The following NLRP14 variants were observed in gnomAD, a reference collection of about 807,000 sequenced individuals.
The protein encoded by NLRP14 is NLR family pyrin domain containing 14.
A neutral mutation model predicts 94.7 loss-of-function variants in NLRP14; 105 were observed. The ratio of observed to expected loss-of-function variants is 1.11; its 90% CI spans 0.95 to 1.30. NLRP14 has a LOEUF of 1.30. Ranked by LOEUF, NLRP14 falls within the 50% of genes most tolerant of loss-of-function variation. NLRP14 has a pLI of 0.00. For missense variants in NLRP14, 1,362 were observed against 1,254.1 expected (o/e 1.09, Z -1.30); for synonymous variants, 508 against 459.9 (o/e 1.10, Z -1.34).
chr11:7,058,572 G>T, intron 8 of NLRP14, 122 bp downstream of exon 8: 1 of 739,848 alleles, frequency 1.4e-6, no homozygotes. Flanking sequence ...TAATGAAGAA[G>T]GTGAAAGTGA....
chr11:7,034,802 C>T (rs895677381), intron 1 of NLRP14, among the ~76,000 whole-genome samples: 3 of 152,138 alleles, frequency 2.0e-5, no homozygotes, highest in African/African-American at 7.2e-5. Context: ...GTACTACTTA[C>T]TATATCTGGG....
chr11:7,090,236 G>T, the NLRP14 span: 2 of 1,610,834 alleles, frequency 1.2e-6, no homozygotes, highest in South Asian at 2.2e-5. Flanking sequence ...GCTGCAGGGT[G>T]CCCAGGGGCG....
At chr11:7,042,060 A>G (rs1465234432) in intron 3 of NLRP14, among the ~76,000 whole-genome samples, 2 of 151,358 alleles carry the variant, frequency 1.3e-5, no homozygotes, top group African/African-American at 4.9e-5. Flanking sequence ...TCTGTTCTCC[A>G]CATCTATTAT....
chr11:7,071,408 C>A lies in NLRP14; in HGVS notation c.*100C>A, dbSNP rs1852796842. The A allele has an allele frequency of 1.1e-6, 1 of 924,216 alleles. No homozygotes were observed. The highest frequency in any genetic ancestry group is 1.7e-6 in the Non-Finnish European group (1 of 589,176). 57.3% of individuals were successfully genotyped at this position (924,216 alleles called of 1,614,324 possible). On this transcript the variant is annotated 3_prime_UTR_variant, in exon 12 of 12. Transcript: ENST00000299481. ...TGCTTAGCTTCAGATACTCTATGCC[C>A]AGAGATAGTGCACTTGGCAGCTGTC...
At chr11:7,035,233 A>T (rs954203228) in intron 1 of NLRP14, among the ~76,000 whole-genome samples, 5 of 152,168 alleles carry the variant, frequency 3.3e-5, no homozygotes, top group African/African-American at 1.2e-4. Context: ...AGCCATGAGA[A>T]TCGCTTGAAC....
At chr11:7,026,029 T>G (rs916122043) in intron 1 of NLRP14, among the ~76,000 whole-genome samples, 2 of 152,216 alleles carry the variant, frequency 1.3e-5, no homozygotes, top group African/African-American at 4.8e-5. Flanking sequence ...ACAAAACTGA[T>G]TATGAGTTTT....
At chr11:7,060,870 A>T (rs1168583980) in intron 9 of NLRP14, among the ~76,000 whole-genome samples, 3 of 152,066 alleles carry the variant, frequency 2.0e-5, no homozygotes, top group African/African-American at 7.2e-5. Context: ...ATAAAAAAAG[A>T]AATACATTGA....
chr11:7,084,302 G>T, the NLRP14 span, among the ~76,000 whole-genome samples: 1 of 152,090 alleles, frequency 6.6e-6, no homozygotes, highest in African/African-American at 2.4e-5. Context: ...GTTTCTGCTC[G>T]CAGTTACTGA....
chr11:7,084,773 T>C, the NLRP14 span, among the ~76,000 whole-genome samples: 1 of 152,250 alleles, frequency 6.6e-6, no homozygotes. Context: ...TAGTAAATTA[T>C]CAAACCCAAG....
chr11:7,088,141 G>C, the NLRP14 span, among the ~76,000 whole-genome samples: 2 of 152,152 alleles, frequency 1.3e-5, no homozygotes, highest in African/African-American at 4.8e-5. Context: ...CCAACATTTA[G>C]AGAATACACT....
rs778956030 is a variant in NLRP14, at chr11:7,042,546, G to A, written c.520G>A (p.Ala174Thr). Residue 174 changes from alanine (A) to threonine (T), a missense_variant, in exon 4 of 12, where the codon GCA becomes ACA. Coordinates refer to ENST00000299481, the MANE Select transcript of NLRP14 (RefSeq NM_176822.4). The stretch of plus-strand genomic sequence containing the variant: ...GTTCGATGTGGATGTCAAAACCGGT[G>A]CACAGCCACAGATCGTGGTGCTTCA... ...HLFDVDVKTG[A>T]QPQIVVLQGA... The A allele has an allele frequency of 6.8e-6, 11 of 1,614,122 alleles. No homozygotes were observed. The highest frequency in any genetic ancestry group is 9.3e-6 in the Non-Finnish European group (11 of 1,180,036).
the NLRP14 span, among the ~76,000 whole-genome samples, chr11:7,080,192 G>T: frequency 6.6e-6 from 1 of 152,312 alleles, no homozygotes; most frequent in Non-Finnish European, 1.5e-5. Flanking sequence ...GCTGGCATCT[G>T]AAGTGAGGGC....
chr11:7,089,752 A>T, the NLRP14 span: 1 of 1,535,398 alleles, frequency 6.5e-7, no homozygotes, highest in Admixed American at 1.8e-5. Flanking sequence ...GGCCCGCGGG[A>T]TGAGGGCTAC....
intron 6 of NLRP14, among the ~76,000 whole-genome samples, chr11:7,053,383 G>A (rs10839706): frequency 0.57 from 85,744 of 150,046 alleles, 25,521 homozygotes; most frequent in East Asian, 0.86. Flanking sequence ...TATAATCTTG[G>A]CTGATTCCCA....
At position 7,055,018 on chromosome 11, in the gene NLRP14, A is replaced by G. The variant is rs115586847; in HGVS notation, c.2292-2659A>G. On this transcript the variant is annotated intron_variant, in intron 6 of 11. Coordinates refer to ENST00000299481, the MANE Select transcript of NLRP14 (RefSeq NM_176822.4). ...TAGGAGTCTAGTTTCCTTCTTTTAC[A>G]TATGAATATCCAGTTTTCCCAGCAC... is the stretch of plus-strand genomic sequence containing the variant. Among the ~76,000 whole-genome samples the G allele has an allele frequency of 8.6e-3, 1,304 of 152,288 alleles. 18 individuals are homozygous for G. Among genetic ancestry groups the G allele is most frequent in the African/African-American group, 0.03 (1,243 of 41,568 alleles).
the NLRP14 span, among the ~76,000 whole-genome samples, chr11:7,086,875 G>A: frequency 2.0e-5 from 3 of 152,164 alleles, no homozygotes; most frequent in African/African-American, 7.2e-5. Flanking sequence ...AACTTGATAA[G>A]CAAGAAAGTA....
chr11:7,032,383 A>G (rs994055037), intron 1 of NLRP14, among the ~76,000 whole-genome samples: 6 of 152,120 alleles, frequency 3.9e-5, no homozygotes, highest in Non-Finnish European at 8.8e-5. Flanking sequence ...CTTATTGACA[A>G]TTATTTACTA....
At chr11:7,073,344 T>A (rs926631737), downstream of NLRP14, among the ~76,000 whole-genome samples, 3 of 152,222 alleles carry the variant, frequency 2.0e-5, no homozygotes, top group Non-Finnish European at 1.5e-5. Flanking sequence ...TTTTAACTTA[T>A]TGTAAGGCAA....
chr11:7,073,704 C>T (rs1017180647), downstream of NLRP14, among the ~76,000 whole-genome samples: 4 of 152,092 alleles, frequency 2.6e-5, no homozygotes, highest in African/African-American at 9.7e-5. Context: ...TTATGTTTAC[C>T]CATTTATTAT....
Sources: gnomAD v4.1 joint callset for allele counts (sites outside exome capture counted in the v4.1 genomes callset) on GRCh38, gnomAD v4.1.1 for gene constraint, MANE v1.5 for transcripts, NCBI Gene and HGNC (gene_info 2026-07-23, HGNC 2026-07-21) for gene names.